USP28: variants seen among roughly 807,000 people sequenced by gnomAD.
The protein encoded by USP28 is ubiquitin specific peptidase 28.
A neutral mutation model predicts 145.0 loss-of-function variants in USP28; 113 were observed. The observed-to-expected ratio is 0.78, with a 90% CI of 0.67 to 0.91. The LOEUF (loss-of-function observed/expected upper bound fraction) is 0.91. Ranked by LOEUF, USP28 falls within the 40% of genes least tolerant of loss-of-function variation. USP28 has a pLI of 0.00. For synonymous variants in USP28, 447 were observed against 450.9 expected (o/e 0.99, Z 0.11); for missense variants, 1,201 against 1,289.6 (o/e 0.93, Z 1.05).
At position 113,854,330 on chromosome 11, in the gene USP28, G is replaced by T. The variant is rs1444220315; in HGVS notation, c.63C>A (p.Cys21Ter). ...CTCTCAGTTGATTTAACAGCATTTGGCAGCTCTATATTTGCAAAACAAAAA... is the reference window on the plus strand; with the variant it reads ...CTCTCAGTTGATTTAACAGCATTTGTCAGCTCTATATTTGCAAAACAAAAA... Residue 21 changes from cysteine to a stop codon, truncating the protein, a stop_gained, in exon 2 of 25, where the codon TGC becomes TGA. Coordinates refer to ENST00000003302, the Ensembl canonical transcript of USP28. LOFTEE classifies it high-confidence loss of function. The T allele has an allele frequency of 6.2e-7, 1 of 1,613,954 alleles. No individual in the cohort carries two copies. Among genetic ancestry groups the T allele is most frequent in the South Asian group, 1.1e-5 (1 of 91,046 alleles).
At chr11:113,808,202 G>C (rs2513582) in intron 18 of USP28, 66 bp from the exon 19 acceptor site, 1 of 1,548,334 alleles carries the variant, frequency 6.5e-7, no homozygotes, top group Non-Finnish European at 8.7e-7. Flanking sequence ...GTTGGTTAAA[G>C]GCAGCAGAGA....
chr11:113,841,245 C>A (rs1363346629), intron 4 of USP28, among the ~76,000 whole-genome samples: 1 of 152,126 alleles, frequency 6.6e-6, no homozygotes, highest in Non-Finnish European at 1.5e-5. Context: ...GTGAACAGTA[C>A]CAAACAACCA....
chr11:113,798,135 C>G (rs12416854), exon 25 of USP28: 7,104 of 135,150 alleles, frequency 0.053, 492 homozygotes, highest in East Asian at 0.34. Flanking sequence ...AAAAGAAGGC[C>G]GGGTACGATG....
At chr11:113,847,218 G>C (rs983687099) in intron 3 of USP28, among the ~76,000 whole-genome samples, 38 of 151,826 alleles carry the variant, frequency 2.5e-4, no homozygotes, top group African/African-American at 9.2e-4. Context: ...ACACAAAAGA[G>C]GGCAACCAGA....
chr11:113,804,925 A>G, exon 20 of USP28: 1 of 1,614,122 alleles, frequency 6.2e-7, no homozygotes. Context: ...TCGTTCTACT[A>G]CCCTTTTGGG....
intron 12 of USP28, among the ~76,000 whole-genome samples, chr11:113,823,222 A>G (rs1389591806): frequency 6.6e-6 from 1 of 152,182 alleles, no homozygotes; most frequent in Admixed American, 6.5e-5. Context: ...ACTGTTTTTT[A>G]TCTTTCTTAG....
chr11:113,809,216 C>T (rs1940554765), exon 17 of USP28: 3 of 1,614,158 alleles, frequency 1.9e-6, no homozygotes. Context: ...GATAGGGCTT[C>T]CACTTCTGAC....
intron 11 of USP28, among the ~76,000 whole-genome samples, chr11:113,824,080 C>T (rs1251671770): frequency 1.3e-5 from 2 of 151,394 alleles, no homozygotes; most frequent in Non-Finnish European, 2.9e-5. Flanking sequence ...TTAGTAAAGT[C>T]AAAGGATACA....
intron 24 of USP28, among the ~76,000 whole-genome samples, chr11:113,800,889 C>G (rs1938887423): frequency 6.7e-6 from 1 of 149,000 alleles, no homozygotes; most frequent in South Asian, 2.1e-4. Flanking sequence ...GTGGCCCAGG[C>G]TGGATTGCAC....
At chr11:113,820,365 G>A (rs1426921878) in intron 12 of USP28, 1 of 152,122 alleles carries the variant, frequency 6.6e-6, no homozygotes, top group East Asian at 1.9e-4. Flanking sequence ...CAGACTGTGA[G>A]CCAAAAGCAG....
chr11:113,840,450 A>G, intron 5 of USP28, 148 bp downstream of exon 5: 1 of 1,014,674 alleles, frequency 9.9e-7, no homozygotes, highest in Non-Finnish European at 1.4e-6. Flanking sequence ...ACATCAAAGC[A>G]TCTAAATCCA....
intron 1 of USP28, among the ~76,000 whole-genome samples, chr11:113,863,858 T>C (rs1947979027): frequency 1.3e-5 from 2 of 149,772 alleles, no homozygotes; most frequent in African/African-American, 4.9e-5. Context: ...GGCAGGAGAA[T>C]GGCATGAACC....
At chr11:113,804,557 G>A in intron 21 of USP28, 116 bp downstream of exon 22, 1 of 848,946 alleles carries the variant, frequency 1.2e-6, no homozygotes, top group South Asian at 1.9e-5. Flanking sequence ...GATTTTGAGG[G>A]GAAAGTGGAA....
chr11:113,818,050 C>A, intron 12 of USP28: 1 of 446,116 alleles, frequency 2.2e-6, no homozygotes, highest in Admixed American at 3.9e-5. Flanking sequence ...TTATATCTGG[C>A]AGGAAACATT....
intron 12 of USP28, 137 bp downstream of exon 12, chr11:113,823,468 A>G: frequency 1.4e-6 from 1 of 691,178 alleles, no homozygotes; most frequent in South Asian, 2.0e-5. Context: ...CTTCACACTT[A>G]GACAAAAAAT....
In USP28 at chr11:113,875,430, C is replaced by G. The variant is rs1344188925; in HGVS notation, c.57+15G>C. The G allele has an allele frequency of 8.8e-6, 11 of 1,244,274 alleles. No individual in the cohort carries two copies. The highest frequency in any genetic ancestry group is 1.1e-5 in the Non-Finnish European group (11 of 988,492). The allele number at this position is 1,244,274 out of a possible 1,614,324, so 77.1% of individuals were successfully genotyped here. The stretch of plus-strand genomic sequence containing the variant: ...GAGCCCGCCCCCAGCTCCCGCTCGC[C>G]GCCGCGGAGCCCACCGAGCCGTGGC... On this transcript the variant is annotated intron_variant, in intron 1 of 24. Transcript: ENST00000003302.
chr11:113,798,478 ATT>A (rs1250567755), exon 25 of USP28: 1 of 152,342 alleles, frequency 6.6e-6, no homozygotes, highest in Non-Finnish European at 1.5e-5. Flanking sequence ...CAGTAGCCCT[ATT>A]GACTGTTTTT....
chr11:113,821,506 G>A, intron 12 of USP28: 2 of 210,030 alleles, frequency 9.5e-6, no homozygotes, highest in Non-Finnish European at 1.0e-5. Flanking sequence ...TCGGGTGGCT[G>A]TTAATCTTTA....
At chr11:113,833,666 A>G (rs976376996) in intron 6 of USP28, 109 bp from the exon 7 acceptor site, 20 of 1,106,762 alleles carry the variant, frequency 1.8e-5, no homozygotes, top group Non-Finnish European at 2.6e-5. Context: ...ATTTACCTAG[A>G]TCTAGGTCAA....
Sources: allele counts gnomAD v4.1 joint callset (sites outside exome capture counted in the v4.1 genomes callset), GRCh38; gene constraint gnomAD v4.1.1; transcripts MANE v1.5; gene names NCBI Gene and HGNC (gene_info 2026-07-23, HGNC 2026-07-21).